FGFR2: variants seen among roughly 807,000 people sequenced by gnomAD.
FGFR2 encodes the protein fibroblast growth factor receptor 2, also known as BEK fibroblast growth factor receptor.
A neutral mutation model predicts 95.9 loss-of-function variants in FGFR2; 19 were observed. The observed-to-expected ratio is 0.20, with a 90% CI of 0.14 to 0.29. The LOEUF (loss-of-function observed/expected upper bound fraction) is 0.29. Among genes scored for constraint, FGFR2 ranks in the 10% least tolerant of loss-of-function variants. The pLI, the probability that FGFR2 is intolerant of heterozygous loss-of-function variation, is 1.00. For synonymous variants in FGFR2, 392 were observed against 393.3 expected (o/e 1.00, Z 0.04); for missense variants, 707 against 1,056.9 (o/e 0.67, Z 4.59).
intron 5 of FGFR2, among the ~76,000 whole-genome samples, chr10:121,539,774 G>T (rs1482422291): frequency 1.3e-5 from 2 of 152,154 alleles, no homozygotes; most frequent in Non-Finnish European, 2.9e-5. Flanking sequence ...GTGTTTTTGG[G>T]TTAATCACGT....
rs1172844728 is a variant in FGFR2 at position 121,481,827 on chromosome 10, C to CTTTTTTTTTTTTTT, written c.2302-1807_2302-1806insAAAAAAAAAAAAAA. 1.9e-4 allele frequency: 34 copies of CTTTTTTTTTTTTTT among 179,016 alleles called. 4 individuals are homozygous for CTTTTTTTTTTTTTT. The highest frequency in any genetic ancestry group is 2.0e-4 in the African/African-American group (7 of 34,206). The allele number at this position is 179,016 out of a possible 1,614,324, so 11.1% of individuals were successfully genotyped here. On this transcript the variant is annotated intron_variant, in intron 17 of 17. Transcript: ENST00000358487. Reference sequence around the variant, plus strand: ...CTTTAGTGCTTTTCCCGGTTTCTTTCTTTTTTATTTTTATTTTTTTTTTTT... The same window carrying CTTTTTTTTTTTTTT: ...CTTTAGTGCTTTTCCCGGTTTCTTTCTTTTTTTTTTTTTTTTTTTTATTTTTATTTTTTTTTTTT...
intron 6 of FGFR2, among the ~76,000 whole-genome samples, chr10:121,522,233 C>G (rs1252626610): frequency 6.6e-6 from 1 of 152,190 alleles, no homozygotes; most frequent in African/African-American, 2.4e-5. Flanking sequence ...TGCCTATAGT[C>G]AACAACAACG....
intron 5 of FGFR2, among the ~76,000 whole-genome samples, chr10:121,539,976 G>A (rs1051987423): frequency 2.0e-5 from 3 of 152,190 alleles, no homozygotes; most frequent in African/African-American, 4.8e-5. Flanking sequence ...GGAGTGCCAC[G>A]GTTTTCATGT....
intron 2 of FGFR2, among the ~76,000 whole-genome samples, chr10:121,579,770 G>A (rs904902548): frequency 2.4e-4 from 36 of 152,106 alleles, no homozygotes; most frequent in Middle Eastern, 3.2e-3. Flanking sequence ...CCAAACCATG[G>A]GCAAGAGTCC....
rs1472574984 is a variant in FGFR2 at position 121,479,661 on chromosome 10, T to C, written c.*196A>G. The stretch of plus-strand genomic sequence containing the variant: ...TGGCAGTCCACTGCTCCAGAAACCT[T>C]CTTCTCCTCCTGGGGAAGATTACAA... On this transcript the variant is annotated 3_prime_UTR_variant, in exon 18 of 18. Coordinates refer to ENST00000358487, the MANE Select transcript of FGFR2 (RefSeq NM_000141.5). The C allele has an allele frequency of 6.4e-7, 1 of 1,552,454 alleles. No individual in the cohort carries two copies. The highest frequency in any genetic ancestry group is 8.7e-7 in the Non-Finnish European group (1 of 1,147,364).
At chr10:121,520,881 G>A (rs1485330773) in intron 6 of FGFR2, among the ~76,000 whole-genome samples, 2 of 152,230 alleles carry the variant, frequency 1.3e-5, no homozygotes, top group African/African-American at 4.8e-5. Flanking sequence ...ATGCTCAAGC[G>A]ATCCACCTGC....
At chr10:121,557,949 C>T (rs556794729) in intron 4 of FGFR2, among the ~76,000 whole-genome samples, 8 of 152,212 alleles carry the variant, frequency 5.3e-5, no homozygotes, top group Non-Finnish European at 1.0e-4. Context: ...GGAATGAAAC[C>T]AAAATAGAAA....
chr10:121,560,221 T>G (rs143637635), intron 4 of FGFR2, among the ~76,000 whole-genome samples: 65 of 151,982 alleles, frequency 4.3e-4, no homozygotes, highest in African/African-American at 1.5e-3. Flanking sequence ...CCTGATCGGG[T>G]TATTGGTGGC....
intron 2 of FGFR2, among the ~76,000 whole-genome samples, chr10:121,569,663 T>A (rs758764409): frequency 6.6e-6 from 1 of 152,208 alleles, no homozygotes; most frequent in Non-Finnish European, 1.5e-5. Flanking sequence ...TATCCAAGCT[T>A]CAAGGATAGT....
intron 8 of FGFR2, among the ~76,000 whole-genome samples, 190 bp from the exon 9 acceptor site, chr10:121,515,509 T>G (rs558360299): frequency 1.3e-5 from 2 of 151,968 alleles, no homozygotes; most frequent in African/African-American, 2.4e-5. Flanking sequence ...AGGACCCAGG[T>G]AGTCACTGTC....
chr10:121,508,058 T>A (rs1848553345), intron 9 of FGFR2, among the ~76,000 whole-genome samples: 1 of 152,246 alleles, frequency 6.6e-6, no homozygotes, highest in African/African-American at 2.4e-5. Flanking sequence ...TATGAGAGGA[T>A]GTACACAGTT....
chr10:121,598,411 G>GCCGCCCGCCCGCTCGGCTCTCCA lies in FGFR2; in HGVS notation c.-623_-601dup, dbSNP rs1863753670. On this transcript the variant is annotated 5_prime_UTR_variant, in exon 1 of 18. Transcript: ENST00000358487. Reference sequence around the variant, plus strand: ...GCGCTCCCTCGCCCGCTCCGCACCCGCCGCCCGCCCGCTCGGCTCTCCACC... The same window carrying GCCGCCCGCCCGCTCGGCTCTCCA: ...GCGCTCCCTCGCCCGCTCCGCACCCGCCGCCCGCCCGCTCGGCTCTCCACCGCCCGCCCGCTCGGCTCTCCACC... The GCCGCCCGCCCGCTCGGCTCTCCA allele has an allele frequency of 3.9e-5, 6 of 155,312 alleles. No individual in the cohort carries two copies. Among genetic ancestry groups the GCCGCCCGCCCGCTCGGCTCTCCA allele is most frequent in the African/African-American group, 1.5e-4 (6 of 41,188 alleles). The allele number at this position is 155,312 out of a possible 1,614,324, so 9.6% of individuals were successfully genotyped here.
chr10:121,538,171 C>T (rs1306914678), intron 6 of FGFR2: 1 of 604,110 alleles, frequency 1.7e-6, no homozygotes, highest in Non-Finnish European at 2.9e-6. Flanking sequence ...AGGCTCAGTC[C>T]TCAGACCTTT....
At chr10:121,579,319 C>T (rs1052391830) in intron 2 of FGFR2, among the ~76,000 whole-genome samples, 2 of 152,192 alleles carry the variant, frequency 1.3e-5, no homozygotes, top group Non-Finnish European at 2.9e-5. Context: ...CAGCCCTGGC[C>T]AGGAGGGCAG....
chr10:121,577,322 C>T (rs887089344), intron 2 of FGFR2, among the ~76,000 whole-genome samples: 1 of 149,140 alleles, frequency 6.7e-6, no homozygotes, highest in Non-Finnish European at 1.5e-5. Context: ...AGAAGGCACC[C>T]AGCACAATGT....
chr10:121,559,093 TG>T (rs1209103027), intron 4 of FGFR2, among the ~76,000 whole-genome samples: 11 of 134,912 alleles, frequency 8.2e-5, no homozygotes, highest in Non-Finnish European at 1.7e-4. Context: ...AAATTTTCAA[TG>T]TCTCAATCCA....
rs1844457841 is a variant in FGFR2, at chr10:121,479,981, G to T, written c.2342C>A (p.Pro781His). The T allele has an allele frequency of 6.2e-7, 1 of 1,614,066 alleles. No individual in the cohort carries two copies. The highest frequency in any genetic ancestry group is 1.3e-5 in the African/African-American group (1 of 74,922). The change falls in exon 18 of 18, where the codon CCT (proline) becomes CAT (histidine). Residue 781 changes from proline (P) to histidine (H), a missense_variant. Physicochemically the swap from Pro to His is moderately conservative, Grantham distance 77 (BLOSUM62 -2). Transcript: ENST00000358487. ...DLSQPLEQYS[P>H]SYPDTRSSCS... is the part of the protein sequence containing the mutation. ...AGAACTTCTTGTGTCAGGGTAACTAGGTGAATACTGTTCGAGAGGTTGGCT... is the reference window on the plus strand; with the variant it reads ...AGAACTTCTTGTGTCAGGGTAACTATGTGAATACTGTTCGAGAGGTTGGCT...
intron 17 of FGFR2, among the ~76,000 whole-genome samples, chr10:121,481,586 C>G (rs922282679): frequency 6.6e-6 from 1 of 152,078 alleles, no homozygotes; most frequent in African/African-American, 2.4e-5. Flanking sequence ...ATGATAAAAA[C>G]GAAATTTTGT....
chr10:121,481,961 C>T (rs999216181), intron 17 of FGFR2: 55 of 391,292 alleles, frequency 1.4e-4, no homozygotes, highest in African/African-American at 8.5e-4. Flanking sequence ...CTCAGCCTCC[C>T]GGAGTAGCTG....
Sources: allele counts gnomAD v4.1 joint callset (sites outside exome capture counted in the v4.1 genomes callset), GRCh38; gene constraint gnomAD v4.1.1; transcripts MANE v1.5; gene names NCBI Gene and HGNC (gene_info 2026-07-23, HGNC 2026-07-21).